Variants in MBD5 observed in about 807,000 individuals in gnomAD.
The protein encoded by MBD5 is methyl-CpG-binding domain protein 5.
Under a neutral mutation model 117.3 loss-of-function variants are expected in MBD5, and 13 were observed. That is an observed-to-expected ratio of 0.11 (90% confidence interval 0.07 to 0.18). The LOEUF is 0.18. Among genes scored for constraint, MBD5 ranks in the 10% least tolerant of loss-of-function variants. MBD5 has a pLI of 1.00. For missense variants in MBD5, 1,879 were observed against 2,093.8 expected, an observed-to-expected ratio of 0.90 and a Z score of 2.00; for synonymous variants, 727 against 766.4, an observed-to-expected ratio of 0.95 and a Z score of 0.85.
chr2:148,421,785 T>G (rs1424547908), intron 4 of MBD5, among the ~76,000 whole-genome samples: 1 of 152,086 alleles, frequency 6.6e-6, no homozygotes, highest in Non-Finnish European at 1.5e-5. Flanking sequence ...AGTAGGCAGT[T>G]TTACCCTCAC....
chr2:148,440,419 G>C (rs1181323376), intron 4 of MBD5, among the ~76,000 whole-genome samples: 2 of 152,154 alleles, frequency 1.3e-5, no homozygotes, highest in Non-Finnish European at 2.9e-5. Context: ...ATGTGGAATT[G>C]TGCTGAAAAT....
chr2:148,186,100 T>C (rs746432677), intron 2 of MBD5, among the ~76,000 whole-genome samples: 3 of 152,218 alleles, frequency 2.0e-5, no homozygotes, highest in African/African-American at 4.8e-5. Context: ...AGTACTAGAA[T>C]GAAAGTAATA....
At chr2:148,025,930 A>C (rs1389329903) in intron 1 of MBD5, 1 of 152,224 alleles carries the variant, frequency 6.6e-6, no homozygotes, top group Non-Finnish European at 1.5e-5. Flanking sequence ...AGATGTTTCA[A>C]AAACAAAGAA....
intron 7 of MBD5, among the ~76,000 whole-genome samples, chr2:148,465,492 C>T (rs1707232351): frequency 6.6e-6 from 1 of 152,128 alleles, no homozygotes; most frequent in African/African-American, 2.4e-5. Context: ...ATTATTGATA[C>T]TTTCCCATGG....
intron 4 of MBD5, among the ~76,000 whole-genome samples, chr2:148,377,541 T>C (rs1200473653): frequency 6.6e-6 from 1 of 152,222 alleles, no homozygotes; most frequent in Non-Finnish European, 1.5e-5. Flanking sequence ...AGCAAACAAA[T>C]AGATGCCTTG....
At chr2:148,022,368 A>G (rs536726893) in intron 1 of MBD5, among the ~76,000 whole-genome samples, 2 of 152,200 alleles carry the variant, frequency 1.3e-5, no homozygotes, top group Admixed American at 6.5e-5. Flanking sequence ...TCTGTTTCAT[A>G]TATCAGTATA....
Position 148,512,860 on chromosome 2 carries a change from T to G in MBD5, c.5113-10T>G, listed in dbSNP as rs775307238. 13 of 1,612,890 alleles carry G rather than the reference T, an allele frequency of 8.1e-6. No homozygotes were observed. In the Admixed American group the frequency reaches 8.3e-5, roughly 10 times the overall value. ...TTGTTGTTGTTTTTTTTCTACCTTT[T>G]TATTTCCAGGTACACCAAATCCCAC... is the stretch of plus-strand genomic sequence containing the variant. On this transcript the variant is annotated splice_polypyrimidine_tract_variant and intron_variant, in intron 13 of 13. Coordinates refer to ENST00000642680, the MANE Select transcript of MBD5 (RefSeq NM_001378120.1).
At chr2:148,125,618 G>A (rs919722038) in intron 1 of MBD5, among the ~76,000 whole-genome samples, 1 of 152,054 alleles carries the variant, frequency 6.6e-6, no homozygotes, top group African/African-American at 2.4e-5. Context: ...CTCATCTTTG[G>A]TGTCATCTTG....
chr2:148,101,009 G>T (rs992579476), intron 1 of MBD5, among the ~76,000 whole-genome samples: 1 of 152,144 alleles, frequency 6.6e-6, no homozygotes, highest in Non-Finnish European at 1.5e-5. Flanking sequence ...ATATTCCACT[G>T]CATGGGTAGG....
At chr2:148,429,929 G>A (rs1705932144) in intron 4 of MBD5, among the ~76,000 whole-genome samples, 2 of 152,022 alleles carry the variant, frequency 1.3e-5, no homozygotes, top group African/African-American at 4.8e-5. Context: ...AACCACCATG[G>A]CACATGTATA....
intron 2 of MBD5, among the ~76,000 whole-genome samples, chr2:148,198,054 A>G (rs937595724): frequency 2.0e-5 from 3 of 151,792 alleles, no homozygotes; most frequent in Admixed American, 1.3e-4. Flanking sequence ...ACCTCAGGTG[A>G]TCTCCCCGCC....
intron 4 of MBD5, among the ~76,000 whole-genome samples, chr2:148,436,535 G>A (rs1706162634): frequency 6.6e-6 from 1 of 152,022 alleles, no homozygotes; most frequent in Non-Finnish European, 1.5e-5. Flanking sequence ...ACCACGCCAG[G>A]CTAATTTTGT....
At chr2:148,462,079 G>C (rs565128016) in intron 5 of MBD5, among the ~76,000 whole-genome samples, 1 of 152,166 alleles carries the variant, frequency 6.6e-6, no homozygotes, top group Non-Finnish European at 1.5e-5. Flanking sequence ...TTTTACATAG[G>C]GACAACTTGG....
chr2:148,493,790 C>T (rs17356995), intron 11 of MBD5, among the ~76,000 whole-genome samples: 2,137 of 152,232 alleles, frequency 0.014, 24 homozygotes, highest in Middle Eastern at 0.034. Context: ...GAGATGATTT[C>T]CTAAAAGGTA....
At chr2:148,153,717 TC>T (rs1166490305) in intron 1 of MBD5, among the ~76,000 whole-genome samples, 2 of 146,768 alleles carry the variant, frequency 1.4e-5, no homozygotes, top group East Asian at 2.0e-4. Context: ...TACCCTTTCT[TC>T]CAGTTGATCG....
At chr2:148,026,671 A>C (rs926898992) in intron 1 of MBD5, 1 of 152,296 alleles carries the variant, frequency 6.6e-6, no homozygotes, top group Non-Finnish European at 1.5e-5. Flanking sequence ...CTGTAATTCC[A>C]ACAACTGGGA....
At chr2:148,138,973 G>C (rs1697239013) in intron 1 of MBD5, among the ~76,000 whole-genome samples, 1 of 152,234 alleles carries the variant, frequency 6.6e-6, no homozygotes, top group South Asian at 2.1e-4. Flanking sequence ...TTCTACTGTT[G>C]TGTTTTGTTT....
intron 1 of MBD5, among the ~76,000 whole-genome samples, chr2:148,064,226 C>T (rs1036913299): frequency 6.7e-6 from 1 of 150,306 alleles, no homozygotes; most frequent in South Asian, 2.1e-4. Context: ...CCCGGGTTCA[C>T]GCCATTCTCC....
intron 1 of MBD5, among the ~76,000 whole-genome samples, chr2:148,134,213 C>T (rs185281681): frequency 3.9e-3 from 512 of 130,314 alleles, no homozygotes; most frequent in East Asian, 8.9e-3. Flanking sequence ...AGATAGATGA[C>T]AGATAGATAG....
Sources: gnomAD v4.1 joint callset for allele counts (sites outside exome capture counted in the v4.1 genomes callset) on GRCh38, gnomAD v4.1.1 for gene constraint, MANE v1.5 for transcripts, NCBI Gene and HGNC (gene_info 2026-07-23, HGNC 2026-07-21) for gene names.